PTPRD: variants seen among roughly 807,000 people sequenced by gnomAD.
PTPRD encodes the protein receptor-type tyrosine-protein phosphatase delta.
In PTPRD, 34 loss-of-function variants were observed where a neutral mutation model predicts 214.5. That is an observed-to-expected ratio of 0.16 (90% confidence interval 0.12 to 0.21). PTPRD has a LOEUF of 0.21. Among genes scored for constraint, PTPRD ranks in the 10% least tolerant of loss-of-function variants. The pLI, the probability that PTPRD is intolerant of heterozygous loss-of-function variation, is 1.00. For missense variants in PTPRD, 2,545 were observed against 2,398.7 expected (o/e 1.06, Z -1.27); for synonymous variants, 1,128 against 845.7 (o/e 1.33, Z -5.79).
At chr9:8,843,114 C>T (rs552249987) in intron 11 of PTPRD, among the ~76,000 whole-genome samples, 1 of 152,274 alleles carries the variant, frequency 6.6e-6, no homozygotes, top group Non-Finnish European at 1.5e-5. Flanking sequence ...GTCACAATGG[C>T]TGAAGACAAA....
At chr9:8,358,513 A>G (rs1344163328) in intron 39 of PTPRD, among the ~76,000 whole-genome samples, 1 of 152,222 alleles carries the variant, frequency 6.6e-6, no homozygotes, top group Admixed American at 6.5e-5. Flanking sequence ...TCTTAAATAC[A>G]TCATTTATTT....
chr9:9,817,383 A>C (rs2049101114), intron 5 of PTPRD, among the ~76,000 whole-genome samples: 1 of 152,120 alleles, frequency 6.6e-6, no homozygotes, highest in African/African-American at 2.4e-5. Context: ...GTAAGGGATG[A>C]CTTTCAACAC....
chr9:8,444,848 G>C (rs1244095445), intron 34 of PTPRD, among the ~76,000 whole-genome samples: 1 of 152,052 alleles, frequency 6.6e-6, no homozygotes, highest in Non-Finnish European at 1.5e-5. Context: ...TTGCAAATGG[G>C]GCTAACACAG....
At chr9:9,598,800 T>C (rs777683941) in intron 7 of PTPRD, among the ~76,000 whole-genome samples, 2 of 151,980 alleles carry the variant, frequency 1.3e-5, no homozygotes, top group African/African-American at 2.4e-5. Context: ...TATAAGAAAG[T>C]GATTTGTAAG....
chr9:10,162,090 G>A (rs1307254451), intron 3 of PTPRD, among the ~76,000 whole-genome samples: 1 of 151,552 alleles, frequency 6.6e-6, no homozygotes, highest in African/African-American at 2.4e-5. Context: ...CACACTATTG[G>A]TGCAGGTACA....
chr9:9,341,798 TTTATTA>T (rs1165999022), intron 9 of PTPRD, among the ~76,000 whole-genome samples: 1 of 151,906 alleles, frequency 6.6e-6, no homozygotes, highest in Non-Finnish European at 1.5e-5. Context: ...CAAGATTTTA[TTTATTA>T]TTATTATTAT....
chr9:10,133,628 A>G (rs2098919363), intron 3 of PTPRD, among the ~76,000 whole-genome samples: 1 of 152,178 alleles, frequency 6.6e-6, no homozygotes, highest in Admixed American at 6.5e-5. Context: ...AAATATAACT[A>G]TAAGTCCACC....
chr9:9,628,061 C>G (rs909156169), intron 7 of PTPRD, among the ~76,000 whole-genome samples: 10 of 152,058 alleles, frequency 6.6e-5, no homozygotes, highest in Non-Finnish European at 1.2e-4. Context: ...ATGGGATTTC[C>G]TTTGGTTAGT....
intron 2 of PTPRD, among the ~76,000 whole-genome samples, chr9:10,531,430 A>G (rs2056272337): frequency 6.6e-6 from 1 of 152,202 alleles, no homozygotes; most frequent in African/African-American, 2.4e-5. Flanking sequence ...ATACTCAAAG[A>G]CAGCATCACT....
Position 9,130,569 on chromosome 9 carries a change from AG to A in PTPRD, c.-143+52734del, listed in dbSNP as rs545579236. ...ATGAAAGTAGGAATCCTGCATAAAAAGTGTTTATATATTCTCTTTCATCTAT... is the reference window on the plus strand; with the variant it reads ...ATGAAAGTAGGAATCCTGCATAAAAATGTTTATATATTCTCTTTCATCTAT... On this transcript the variant is annotated intron_variant, in intron 10 of 45. Transcript: ENST00000381196. Among the ~76,000 whole-genome samples, 284 of 152,334 alleles carry A rather than the reference AG, an allele frequency of 1.9e-3. 1 individual carries two copies. Among genetic ancestry groups the A allele is most frequent in the African/African-American group, 6.5e-3 (269 of 41,584 alleles).
At chr9:9,306,460 A>G (rs908306415) in intron 9 of PTPRD, among the ~76,000 whole-genome samples, 1 of 146,644 alleles carries the variant, frequency 6.8e-6, no homozygotes, top group African/African-American at 2.5e-5. Context: ...GCTACTTGGG[A>G]GGCTTAGGCA....
chr9:9,014,137 A>G (rs1463081958), intron 11 of PTPRD, among the ~76,000 whole-genome samples: 1 of 151,988 alleles, frequency 6.6e-6, no homozygotes, highest in Non-Finnish European at 1.5e-5. Context: ...TTGGAATTAA[A>G]GAGCAAAATG....
chr9:10,547,305 C>A (rs2060371976), intron 2 of PTPRD, among the ~76,000 whole-genome samples: 1 of 151,520 alleles, frequency 6.6e-6, no homozygotes, highest in African/African-American at 2.4e-5. Flanking sequence ...TGGTTCTTAC[C>A]AAGGGTTTTT....
intron 9 of PTPRD, among the ~76,000 whole-genome samples, chr9:9,394,027 C>T (rs956110094): frequency 6.6e-6 from 1 of 152,126 alleles, no homozygotes; most frequent in African/African-American, 2.4e-5. Context: ...TTCATTAAGA[C>T]ATTTTTAAAC....
intron 4 of PTPRD, among the ~76,000 whole-genome samples, chr9:9,941,489 A>C (rs557960516): frequency 4.6e-5 from 7 of 152,148 alleles, no homozygotes; most frequent in African/African-American, 1.7e-4. Context: ...CGCCTGGGTA[A>C]TTTTTGTATT....
chr9:8,737,421 G>A (rs7867668), intron 11 of PTPRD, among the ~76,000 whole-genome samples: 7,789 of 151,822 alleles, frequency 0.051, 471 homozygotes, highest in African/African-American at 0.14. Flanking sequence ...TACAAAAATT[G>A]GAAATGGATT....
At chr9:8,535,527 AG>A (rs1015696433) in intron 14 of PTPRD, among the ~76,000 whole-genome samples, 7 of 151,908 alleles carry the variant, frequency 4.6e-5, no homozygotes, top group Non-Finnish European at 7.4e-5. Context: ...GGGATGTCAA[AG>A]GTTGTTGTGA....
chr9:10,497,943 T>C (rs573886203), intron 2 of PTPRD, among the ~76,000 whole-genome samples: 1 of 152,058 alleles, frequency 6.6e-6, no homozygotes, highest in African/African-American at 2.4e-5. Context: ...TTATCTAGTC[T>C]GTTGGTTAAT....
Position 9,789,334 on chromosome 9 carries a change from C to A in PTPRD, c.-367-22483G>T, listed in dbSNP as rs186328853. On this transcript the variant is annotated intron_variant, in intron 5 of 45. Coordinates refer to ENST00000381196, the MANE Select transcript of PTPRD (RefSeq NM_002839.4). Reference sequence around the variant, plus strand: ...ATGAGATTTTCAGTGCGTAACTATTCAAGCTTGGGAAGTGCACTGGATGTC... The same window carrying A: ...ATGAGATTTTCAGTGCGTAACTATTAAAGCTTGGGAAGTGCACTGGATGTC... Among the ~76,000 whole-genome samples the A allele has an allele frequency of 5.3e-5, 8 of 152,316 alleles. No individual in the cohort carries two copies. In the East Asian group the frequency reaches 1.5e-3, roughly 29 times the overall value.
Sources: allele counts gnomAD v4.1 joint callset (sites outside exome capture counted in the v4.1 genomes callset), GRCh38; gene constraint gnomAD v4.1.1; transcripts MANE v1.5; gene names NCBI Gene and HGNC (gene_info 2026-07-23, HGNC 2026-07-21).